MORC2: variants seen among roughly 807,000 people sequenced by gnomAD.
MORC2 encodes the protein ATPase MORC2.
A neutral mutation model predicts 136.0 loss-of-function variants in MORC2; 30 were observed. That is an observed-to-expected ratio of 0.22 (90% CI 0.17 to 0.30). The LOEUF is 0.30. Ranked by LOEUF, MORC2 falls within the 10% of genes least tolerant of loss-of-function variation. The probability of loss-of-function intolerance (pLI) is 1.00; values close to 1 mark genes in which losing one functional copy is unlikely to be tolerated. For missense variants in MORC2, 922 were observed against 1,333.1 expected, an observed-to-expected ratio of 0.69 and a Z score of 4.80; for synonymous variants, 439 against 487.0, an observed-to-expected ratio of 0.90 and a Z score of 1.30.
In MORC2 at chr22:30,928,045, C is replaced by T. The variant is rs778221935; in HGVS notation, c.3004G>A (p.Val1002Met). The change falls in exon 25 of 26, where the codon GTG (valine) becomes ATG (methionine). Residue 1002 changes from valine (V) to methionine (M), a missense_variant. This residue lies in a region of MORC2 where 263 missense variants were observed against 388.3 expected (regional missense o/e 0.68). Coordinates refer to ENST00000397641, the MANE Select transcript of MORC2 (RefSeq NM_001303256.3). ...TCCTGCACCTTTTGCAGGAGTGCCA[C>T]GATGTTGGTCCTCAGCTTCTGCAGC... ...EKLQKLRTNI[V>M]ALLQKVQEDI... is the part of the protein sequence containing the mutation. 20 of 1,613,642 alleles carry T rather than the reference C, an allele frequency of 1.2e-5. No homozygotes were observed. The highest frequency in any genetic ancestry group is 5.3e-5 in the African/African-American group (4 of 74,878).
intron 1 of MORC2, chr22:30,967,525 G>T (rs927101149): frequency 3.4e-6 from 4 of 1,193,266 alleles, no homozygotes; most frequent in Admixed American, 8.3e-5. Context: ...AGCAGTATTT[G>T]TTGGATTCCT....
At position 30,934,803 on chromosome 22, in the gene MORC2, T is replaced by C. The variant is rs1031845854; in HGVS notation, c.2171A>G (p.Glu724Gly). The change falls in exon 19 of 26, where the codon GAG (glutamate) becomes GGG (glycine). Residue 724 changes from glutamate to glycine, a missense_variant. Physicochemically the swap from Glu to Gly is moderately conservative, Grantham distance 98 (BLOSUM62 -2). This residue lies in a region of MORC2 where 184 missense variants were observed against 180.3 expected (regional missense o/e 1.02). Transcript: ENST00000397641. This position sits in a 1 kb window ranked among gnomAD's most constrained non-coding sequence, Gnocchi z 4.4. ...CACCGGGGAGAGTTTGATGGGTGAC[T>C]CTGTCTTCTTCACCACTGGAGTCTT... ...VIKTPVVKKT[E>G]SPIKLSPATP... 2 of 1,614,036 alleles carry C rather than the reference T, an allele frequency of 1.2e-6. No individual in the cohort carries two copies. The highest frequency in any genetic ancestry group is 1.3e-5 in the African/African-American group (1 of 74,916).
At position 30,942,005 on chromosome 22, in the gene MORC2, G is replaced by A. The variant is rs1407154880; in HGVS notation, c.587-3C>T. On this transcript the variant is annotated splice_polypyrimidine_tract_variant and splice_region_variant and intron_variant, in intron 7 of 25. Coordinates refer to ENST00000397641, the MANE Select transcript of MORC2 (RefSeq NM_001303256.3). ...ATTGAAGATGATCACCAATGTTCCTGAGAAACAGAAATCTTTTGTCCTGCC... is the reference window on the plus strand; with the variant it reads ...ATTGAAGATGATCACCAATGTTCCTAAGAAACAGAAATCTTTTGTCCTGCC... 7 of 1,612,302 alleles carry A rather than the reference G, an allele frequency of 4.3e-6. No individual in the cohort carries two copies. In the African/African-American group the frequency reaches 6.7e-5, roughly 15 times the overall value.
At chr22:30,962,033 T>C (rs954637217) in intron 1 of MORC2, among the ~76,000 whole-genome samples, 6 of 151,768 alleles carry the variant, frequency 4.0e-5, no homozygotes, top group Admixed American at 3.9e-4. Context: ...CTGACTCTAC[T>C]AAAAATACAA....
At chr22:30,942,589 T>C (rs912567059) in intron 6 of MORC2, among the ~76,000 whole-genome samples, 2 of 152,200 alleles carry the variant, frequency 1.3e-5, no homozygotes, top group Non-Finnish European at 2.9e-5. Flanking sequence ...CTAGGGAAAA[T>C]ATATTTGCAA....
intron 21 of MORC2, 73 bp from the exon 22 acceptor site, chr22:30,933,103 A>G (rs188466654): frequency 6.3e-7 from 1 of 1,588,354 alleles, no homozygotes; most frequent in Non-Finnish European, 8.6e-7. Context: ...CCACATCGAG[A>G]AAGGCAGTCC....
chr22:30,927,794 G>A (rs896154954), intron 25 of MORC2, among the ~76,000 whole-genome samples: 5 of 152,346 alleles, frequency 3.3e-5, no homozygotes, highest in South Asian at 2.1e-4. Context: ...CAGGTTGTAC[G>A]TCGGAATGTC....
intron 11 of MORC2, 119 bp from the exon 12 acceptor site, chr22:30,939,825 T>G: frequency 7.4e-7 from 1 of 1,345,184 alleles, no homozygotes; most frequent in Non-Finnish European, 1.0e-6. Context: ...CACCTGGAAA[T>G]TTACTTCTTT....
At chr22:30,933,612 C>G in intron 20 of MORC2, 92 bp from the exon 21 acceptor site, 1 of 1,236,648 alleles carries the variant, frequency 8.1e-7, no homozygotes, top group Non-Finnish European at 1.2e-6. Context: ...CAGCCATCAT[C>G]TTCACGACTT....
chr22:30,930,704 A>C (rs2040562881), intron 24 of MORC2, among the ~76,000 whole-genome samples: 2 of 152,210 alleles, frequency 1.3e-5, no homozygotes, highest in Non-Finnish European at 2.9e-5. Flanking sequence ...CTAATCCTGC[A>C]GTTTCCATTC....
rs1175881299 is a variant in MORC2, at chr22:30,937,128, C to G, written c.1499-91G>C. On this transcript the variant is annotated intron_variant, in intron 15 of 25. Coordinates refer to ENST00000397641, the MANE Select transcript of MORC2 (RefSeq NM_001303256.3). The surrounding 1 kb of genome is among the most constrained non-coding windows in gnomAD (Gnocchi z 4.7). ...CTCACAGGCCCACCACAATGATGCC[C>G]CAGACTTTGTAGGCAAAGATCTTCA... is the stretch of plus-strand genomic sequence containing the variant. 1.1e-6 allele frequency: 1 copy of G among 878,368 alleles called. No homozygotes were observed. The highest frequency in any genetic ancestry group is 1.9e-6 in the Non-Finnish European group (1 of 533,276). 54.4% of individuals were successfully genotyped at this position (878,368 alleles called of 1,614,324 possible).
intron 1 of MORC2, chr22:30,967,514 G>C: frequency 8.6e-7 from 1 of 1,163,568 alleles, no homozygotes; most frequent in Non-Finnish European, 1.1e-6. Context: ...CGATCCAATA[G>C]AGCAGTATTT....
intron 6 of MORC2, among the ~76,000 whole-genome samples, chr22:30,944,228 A>C (rs1250937770): frequency 2.0e-5 from 3 of 152,118 alleles, no homozygotes; most frequent in Non-Finnish European, 2.9e-5. Flanking sequence ...AAAAAATCTC[A>C]ACCTAGCCTC....
chr22:30,931,713 G>A (rs1420950924), intron 24 of MORC2, among the ~76,000 whole-genome samples: 3 of 152,162 alleles, frequency 2.0e-5, no homozygotes, highest in Non-Finnish European at 2.9e-5. Context: ...TGCCCCCCAG[G>A]CCACCACAGC....
intron 12 of MORC2, among the ~76,000 whole-genome samples, chr22:30,938,733 C>G (rs1012616448): frequency 4.6e-5 from 7 of 152,126 alleles, no homozygotes; most frequent in African/African-American, 4.8e-5. Context: ...CCATGCCCGG[C>G]TAATTTTTTG....
intron 25 of MORC2, 51 bp from the exon 26 acceptor site, chr22:30,926,922 G>T: frequency 6.6e-7 from 1 of 1,510,804 alleles, no homozygotes. Context: ...GTGATTGGGG[G>T]GCTCACCTTT....
Position 30,939,726 on chromosome 22 carries a change from G to A in MORC2, c.988-20C>T. 1 of 1,611,124 alleles carries A rather than the reference G, an allele frequency of 6.2e-7. No individual in the cohort carries two copies. Among genetic ancestry groups the A allele is most frequent in the Non-Finnish European group, 8.5e-7 (1 of 1,178,064 alleles). On this transcript the variant is annotated intron_variant, in intron 11 of 25. Coordinates refer to ENST00000397641, the MANE Select transcript of MORC2 (RefSeq NM_001303256.3). ...CATCACCTGCACACATTGACATCAG[G>A]TGAGGGGAGGTGGCACTCTAGGCCA...
intron 2 of MORC2, among the ~76,000 whole-genome samples, chr22:30,957,791 G>A (rs928445891): frequency 6.6e-6 from 1 of 152,192 alleles, no homozygotes; most frequent in African/African-American, 2.4e-5. Flanking sequence ...ACACTTCCAT[G>A]AGCAGTCCAG....
chr22:30,963,976 A>G (rs1197872976), intron 1 of MORC2, among the ~76,000 whole-genome samples: 1 of 152,230 alleles, frequency 6.6e-6, no homozygotes, highest in Admixed American at 6.5e-5. Context: ...TATTTAAGAT[A>G]TGAGCCTGCT....
Sources: gnomAD v4.1 joint callset for allele counts (sites outside exome capture counted in the v4.1 genomes callset) on GRCh38, gnomAD v4.1.1 for gene constraint, gnomAD v4.1.1 regional missense constraint, Gnocchi (gnomAD v3.1) non-coding constraint, MANE v1.5 for transcripts, NCBI Gene and HGNC (gene_info 2026-07-23, HGNC 2026-07-21) for gene names.